Variants in CTNNBL1 observed in about 807,000 individuals in gnomAD.
CTNNBL1 encodes beta-catenin-like protein 1.
In CTNNBL1, 31 loss-of-function variants were observed where a neutral mutation model predicts 72.7. The ratio of observed to expected loss-of-function variants is 0.43; its 90% CI spans 0.32 to 0.58. The LOEUF is 0.58. Among genes scored for constraint, CTNNBL1 ranks in the 20% least tolerant of loss-of-function variants. The pLI, the probability that CTNNBL1 is intolerant of heterozygous loss-of-function variation, is 0.08. For synonymous variants in CTNNBL1, 240 were observed against 267.3 expected, an observed-to-expected ratio of 0.90 and a Z score of 1.00; for missense variants, 534 against 725.1, an observed-to-expected ratio of 0.74 and a Z score of 3.03.
At chr20:37,849,135 A>G (rs2072372603) in intron 13 of CTNNBL1, among the ~76,000 whole-genome samples, 1 of 152,034 alleles carries the variant, frequency 6.6e-6, no homozygotes, top group Non-Finnish European at 1.5e-5. Flanking sequence ...TACTACCAAC[A>G]CTTACATTCA....
Position 37,864,787 on chromosome 20 carries a change from G to C in CTNNBL1, c.1603+4443G>C, listed in dbSNP as rs1161326718. 2.0e-5 allele frequency among the ~76,000 whole-genome samples: 3 copies of C among 151,860 alleles called. No homozygotes were observed. The South Asian group carries it at 6.3e-4, about 32-fold the overall frequency. Reference sequence around the variant, plus strand: ...CCTGACTGGCAGAGAGGAGGAGTCAGTTACTGCTGACTGGGGTGCGTGCTG... The same window carrying C: ...CCTGACTGGCAGAGAGGAGGAGTCACTTACTGCTGACTGGGGTGCGTGCTG... On this transcript the variant is annotated intron_variant, in intron 15 of 15. Transcript: ENST00000361383.
At chr20:37,856,787 A>G (rs954914594) in intron 13 of CTNNBL1, among the ~76,000 whole-genome samples, 2 of 152,134 alleles carry the variant, frequency 1.3e-5, no homozygotes, top group Non-Finnish European at 2.9e-5. Context: ...GGCACACTAT[A>G]CTTACTTTCT....
chr20:37,797,084 CT>C (rs2073782212), intron 10 of CTNNBL1, among the ~76,000 whole-genome samples: 1 of 152,078 alleles, frequency 6.6e-6, no homozygotes. Context: ...TTGAAATTGC[CT>C]GTGGTCGTAT....
intron 11 of CTNNBL1, among the ~76,000 whole-genome samples, chr20:37,838,701 A>G (rs1857818867): frequency 6.6e-6 from 1 of 152,204 alleles, no homozygotes; most frequent in Non-Finnish European, 1.5e-5. Context: ...CAACCTGGGT[A>G]ACATGGCTAA....
In CTNNBL1 at chr20:37,807,960, C is replaced by T. The variant is rs6021053; in HGVS notation, c.1213+4912C>T. 3.0e-3 allele frequency among the ~76,000 whole-genome samples: 464 copies of T among 152,266 alleles called. 5 individuals carry two copies. Among genetic ancestry groups the T allele is most frequent in the African/African-American group, 9.9e-3 (413 of 41,546 alleles). On this transcript the variant is annotated intron_variant, in intron 11 of 15. Transcript: ENST00000361383. ...ACTTCTTGTCTCTTTTAAAAATTCT[C>T]ATTAATATAGGTCCAGTTTTCCTCG...
chr20:37,789,123 A>G (rs2122710737), intron 10 of CTNNBL1, among the ~76,000 whole-genome samples: 1 of 152,288 alleles, frequency 6.6e-6, no homozygotes, highest in South Asian at 2.1e-4. Flanking sequence ...AAAGAAAAGG[A>G]ATTTCTCATT....
At chr20:37,766,168 C>T (rs1338873415) in intron 6 of CTNNBL1, among the ~76,000 whole-genome samples, 2 of 152,142 alleles carry the variant, frequency 1.3e-5, no homozygotes, top group Admixed American at 6.5e-5. Context: ...AGGAGGAACA[C>T]AACACTCTGT....
chr20:37,790,395 A>C (rs889734731), intron 10 of CTNNBL1, among the ~76,000 whole-genome samples: 4 of 152,208 alleles, frequency 2.6e-5, no homozygotes, highest in African/African-American at 7.2e-5. Flanking sequence ...GTGCAAAAGC[A>C]AAATTATAAT....
intron 11 of CTNNBL1, among the ~76,000 whole-genome samples, chr20:37,839,103 C>G (rs1418413974): frequency 2.6e-5 from 4 of 152,136 alleles, no homozygotes; most frequent in African/African-American, 9.7e-5. Flanking sequence ...GACTGAATAA[C>G]TCCAACATTA....
At chr20:37,745,541 T>C (rs2122621254) in intron 3 of CTNNBL1, among the ~76,000 whole-genome samples, 1 of 152,330 alleles carries the variant, frequency 6.6e-6, no homozygotes, top group East Asian at 1.9e-4. Context: ...CTCTTTACAG[T>C]GGCCCTGTGA....
intron 10 of CTNNBL1, among the ~76,000 whole-genome samples, chr20:37,781,225 A>G (rs2073622601): frequency 6.6e-6 from 1 of 152,138 alleles, no homozygotes; most frequent in African/African-American, 2.4e-5. Context: ...TAAATAGCAT[A>G]AATAGAAGAT....
At chr20:37,698,339 C>T (rs2072810776) in intron 1 of CTNNBL1, among the ~76,000 whole-genome samples, 1 of 152,196 alleles carries the variant, frequency 6.6e-6, no homozygotes, top group South Asian at 2.1e-4. Flanking sequence ...TCGCAGGTTC[C>T]CCACTTTGGT....
intron 11 of CTNNBL1, among the ~76,000 whole-genome samples, chr20:37,808,611 C>G (rs564464717): frequency 6.6e-6 from 1 of 152,178 alleles, no homozygotes; most frequent in African/African-American, 2.4e-5. Context: ...CTGCCTGGCC[C>G]TCAGGCATTC....
At chr20:37,857,122 C>T (rs1471631638) in intron 13 of CTNNBL1, among the ~76,000 whole-genome samples, 1 of 152,180 alleles carries the variant, frequency 6.6e-6, no homozygotes, top group Non-Finnish European at 1.5e-5. Context: ...TTTAAAATTT[C>T]GTAGTAACTG....
At chr20:37,817,093 C>T (rs941933891) in intron 11 of CTNNBL1, among the ~76,000 whole-genome samples, 1 of 152,180 alleles carries the variant, frequency 6.6e-6, no homozygotes, top group East Asian at 1.9e-4. Context: ...ACTGAGAGAA[C>T]AGCCCCAAAT....
At chr20:37,775,263 C>T (rs2073564069) in intron 7 of CTNNBL1, among the ~76,000 whole-genome samples, 3 of 152,196 alleles carry the variant, frequency 2.0e-5, no homozygotes, top group Admixed American at 1.3e-4. Context: ...TGGTACTGCT[C>T]AAATCCTTAA....
At chr20:37,695,354 T>C (rs1056250458) in intron 1 of CTNNBL1, among the ~76,000 whole-genome samples, 4 of 152,128 alleles carry the variant, frequency 2.6e-5, no homozygotes, top group Admixed American at 1.3e-4. Flanking sequence ...ATCACTATGC[T>C]TGGCTGATTT....
At chr20:37,765,493 G>T (rs933329656) in intron 6 of CTNNBL1, among the ~76,000 whole-genome samples, 12 of 152,232 alleles carry the variant, frequency 7.9e-5, no homozygotes, top group African/African-American at 2.7e-4. Context: ...GGTAATGAAA[G>T]CAGAAATCCA....
rs77472363 is a variant in CTNNBL1, at chr20:37,752,842, A to G, written c.467-4717A>G. Among the ~76,000 whole-genome samples the G allele has an allele frequency of 2.0e-3, 299 of 152,246 alleles. 9 individuals carry two copies. The East Asian group carries it at 0.055, about 28-fold the overall frequency. On this transcript the variant is annotated intron_variant, in intron 4 of 15. Transcript: ENST00000361383. ...TGCGTGGGTGGCCTTTCTACTCGAC[A>G]TGACAAAATAGGCTATCAAAAACTG...
Sources: allele counts gnomAD v4.1 joint callset (sites outside exome capture counted in the v4.1 genomes callset), GRCh38; gene constraint gnomAD v4.1.1; transcripts MANE v1.5; gene names NCBI Gene and HGNC (gene_info 2026-07-23, HGNC 2026-07-21).